Variants in GOSR1 observed in about 807,000 individuals in gnomAD.
The protein encoded by GOSR1 is 28 kDa Golgi SNARE protein.
Under a neutral mutation model 35.5 loss-of-function variants are expected in GOSR1, and 21 were observed. The observed-to-expected ratio is 0.59, with a 90% CI of 0.42 to 0.85. The LOEUF (loss-of-function observed/expected upper bound fraction) is 0.85. Ranked by LOEUF, GOSR1 falls within the 40% of genes least tolerant of loss-of-function variation. The pLI, the probability that GOSR1 is intolerant of heterozygous loss-of-function variation, is 0.00. For synonymous variants in GOSR1, 94 were observed against 106.6 expected (o/e 0.88, Z 0.73); for missense variants, 285 against 309.6 (o/e 0.92, Z 0.60).
intron 6 of GOSR1, among the ~76,000 whole-genome samples, chr17:30,507,114 C>T (rs1381880573): frequency 6.6e-6 from 1 of 151,812 alleles, no homozygotes; most frequent in East Asian, 1.9e-4. Flanking sequence ...CATTCTGAAG[C>T]CTGTGGTTCA....
chr17:30,502,108 A>AAAAGCATAAATG, intron 6 of GOSR1, among the ~76,000 whole-genome samples: 1 of 152,368 alleles, frequency 6.6e-6, no homozygotes, highest in Non-Finnish European at 1.5e-5. Flanking sequence ...TGTGAAGGCT[A>AAAAGCATAAATG]CATACTGTAT....
chr17:30,478,424 T>G (rs1255587198), intron 1 of GOSR1: 1 of 152,246 alleles, frequency 6.6e-6, no homozygotes, highest in Non-Finnish European at 1.5e-5. Context: ...CAGATTTGCC[T>G]ATCATACTTT....
chr17:30,496,511 T>C (rs1967009966), intron 6 of GOSR1, among the ~76,000 whole-genome samples: 1 of 152,234 alleles, frequency 6.6e-6, no homozygotes. Context: ...TTTGTTTTTT[T>C]CCTGAGTCCC....
chr17:30,524,069 A>G lies in GOSR1; in HGVS notation c.*1691A>G, dbSNP rs1041537989. On this transcript the variant is annotated 3_prime_UTR_variant, in exon 9 of 9. Coordinates refer to ENST00000451249, the MANE Select transcript of GOSR1 (RefSeq NM_001007025.2). Reference sequence around the variant, plus strand: ...TCCCTAATCTCAAGTACCCAGGGACACAAACACTGCGGAAGGCGGCAGGGT... The same window carrying G: ...TCCCTAATCTCAAGTACCCAGGGACGCAAACACTGCGGAAGGCGGCAGGGT... 2 of 177,136 alleles carry G rather than the reference A, an allele frequency of 1.1e-5. No individual in the cohort carries two copies. The highest frequency in any genetic ancestry group is 2.4e-5 in the African/African-American group (1 of 41,400). The allele number at this position is 177,136 out of a possible 1,614,324, so 11.0% of individuals were successfully genotyped here. A position where few individuals can be genotyped will look rare whatever the true frequency, so the allele number is the denominator to read the frequency against.
intron 7 of GOSR1, among the ~76,000 whole-genome samples, chr17:30,517,979 G>A (rs149517737): frequency 6.6e-6 from 1 of 152,282 alleles, no homozygotes; most frequent in African/African-American, 2.4e-5. Context: ...AGGCAGTGAT[G>A]CATCCATCAC....
chr17:30,495,902 A>G (rs1449566455), intron 6 of GOSR1, among the ~76,000 whole-genome samples: 3 of 152,066 alleles, frequency 2.0e-5, no homozygotes, highest in Admixed American at 1.3e-4. Flanking sequence ...AATATTTTCA[A>G]CCTCATCTGA....
At chr17:30,493,209 T>C (rs1361677525) in intron 6 of GOSR1, among the ~76,000 whole-genome samples, 3 of 152,102 alleles carry the variant, frequency 2.0e-5, no homozygotes, top group African/African-American at 7.2e-5. Flanking sequence ...GTAGCCAGGA[T>C]GGTCTCCATC....
At chr17:30,505,789 CATG>C (rs1967379364) in intron 6 of GOSR1, among the ~76,000 whole-genome samples, 3 of 152,118 alleles carry the variant, frequency 2.0e-5, no homozygotes, top group Admixed American at 2.0e-4. Context: ...AGTGCAGTGG[CATG>C]ATCCCAGCCC....
chr17:30,501,854 A>G (rs531671764), intron 6 of GOSR1, among the ~76,000 whole-genome samples: 1 of 152,372 alleles, frequency 6.6e-6, no homozygotes, highest in Non-Finnish European at 1.5e-5. Flanking sequence ...TCATGCTCCT[A>G]GTGATTTACC....
chr17:30,482,448 G>A (rs563636620), intron 2 of GOSR1, among the ~76,000 whole-genome samples: 11 of 152,228 alleles, frequency 7.2e-5, no homozygotes, highest in South Asian at 4.1e-4. Flanking sequence ...ACATTTTTAC[G>A]CAGAATGTTT....
intron 7 of GOSR1, among the ~76,000 whole-genome samples, chr17:30,511,511 A>G (rs1967611972): frequency 6.7e-6 from 1 of 150,282 alleles, no homozygotes; most frequent in Non-Finnish European, 1.5e-5. Context: ...ATCAAAGTAC[A>G]TGACAATAAC....
At chr17:30,501,237 C>A (rs1236248528) in intron 6 of GOSR1, among the ~76,000 whole-genome samples, 2 of 152,036 alleles carry the variant, frequency 1.3e-5, no homozygotes, top group South Asian at 4.1e-4. Context: ...GAACAGCCAT[C>A]TTAACCAAGG....
chr17:30,492,682 A>T lies in GOSR1; in HGVS notation c.438A>T (p.Ser146=). The change falls in exon 6 of 9, where the codon TCA becomes TCT. Residue 146 remains serine, a synonymous_variant. Transcript: ENST00000451249. ...TAAATTTTCTCTTTTGTCCCAGGTCATATAAAAGTGGGTCTGGAGTAAACA... is the reference window on the plus strand; with the variant it reads ...TAAATTTTCTCTTTTGTCCCAGGTCTTATAAAAGTGGGTCTGGAGTAAACA... ...LMGSVRKDIE[S]YKSGSGVNNR... is the part of the protein sequence containing the mutation. 6.4e-7 allele frequency: 1 copy of T among 1,574,518 alleles called. No individual in the cohort carries two copies. Among genetic ancestry groups the T allele is most frequent in the Non-Finnish European group, 8.7e-7 (1 of 1,145,564 alleles).
At chr17:30,505,288 T>TA (rs1410657535) in intron 6 of GOSR1, among the ~76,000 whole-genome samples, 1 of 152,180 alleles carries the variant, frequency 6.6e-6, no homozygotes, top group African/African-American at 2.4e-5. Context: ...TGATTCCAGT[T>TA]ACTTGGGAGG....
chr17:30,487,744 A>G (rs972169314), intron 4 of GOSR1, among the ~76,000 whole-genome samples: 3 of 152,172 alleles, frequency 2.0e-5, no homozygotes, highest in African/African-American at 7.2e-5. Context: ...ATTTAAATGA[A>G]TGTGAGATTC....
Position 30,510,927 on chromosome 17 carries a change from TTTTGC to T in GOSR1, c.539+23_539+27del, listed in dbSNP as rs749472739. The T allele has an allele frequency of 2.7e-6, 4 of 1,478,482 alleles. No individual in the cohort carries two copies. Among genetic ancestry groups the T allele is most frequent in the Non-Finnish European group, 3.8e-6 (4 of 1,060,294 alleles). 91.6% of individuals were successfully genotyped at this position (1,478,482 alleles called of 1,614,324 possible). ...ACAATAAGGTAGGAATAAGTTTTTG[TTTTGC>T]TTTGTTGGTTTTTGTTTGTTTGCAC... On this transcript the variant is annotated intron_variant, in intron 7 of 8. Transcript: ENST00000451249.
At chr17:30,520,251 A>C (rs1020718514) in intron 8 of GOSR1, 1 of 376,236 alleles carries the variant, frequency 2.7e-6, no homozygotes, top group Non-Finnish European at 4.7e-6. Flanking sequence ...AGAAGAAAAA[A>C]ATTATAAATG....
At position 30,484,222 on chromosome 17, in the gene GOSR1, C is replaced by T. The variant is rs762038273; in HGVS notation, c.155C>T (p.Thr52Ile). 1.9e-6 allele frequency: 3 copies of T among 1,589,180 alleles called. No homozygotes were observed. Among genetic ancestry groups the T allele is most frequent in the Non-Finnish European group, 2.6e-6 (3 of 1,157,402 alleles). ...TRDGRRDSSD[T>I]TPLLNGSSQD... ...ACTGAACTTCTTTTTAGTTCTGATA[C>T]AACACCCCTTTTAAATGGATCAAGC... Residue 52 changes from threonine (T) to isoleucine (I), a missense_variant, in exon 3 of 9, where the codon ACA becomes ATA. Transcript: ENST00000451249.
At chr17:30,510,807 G>A in intron 6 of GOSR1, 73 bp from the exon 7 acceptor site, 1 of 804,028 alleles carries the variant, frequency 1.2e-6, no homozygotes, top group Non-Finnish European at 2.1e-6. Flanking sequence ...GTTTATAGAT[G>A]TAGAAAAATT....
Sources: allele counts gnomAD v4.1 joint callset (sites outside exome capture counted in the v4.1 genomes callset), GRCh38; gene constraint gnomAD v4.1.1; transcripts MANE v1.5; gene names NCBI Gene and HGNC (gene_info 2026-07-23, HGNC 2026-07-21).